The following PTPRD variants were observed in gnomAD, a reference collection of about 807,000 sequenced individuals.
PTPRD encodes the protein receptor-type tyrosine-protein phosphatase delta.
PTPRD carries 34 observed loss-of-function variants against 214.5 expected under a neutral mutation model. That is an observed-to-expected ratio of 0.16 (90% confidence interval 0.12 to 0.21). The LOEUF (loss-of-function observed/expected upper bound fraction) is 0.21, where lower values mean the gene tolerates loss of function less well. PTPRD is among the 10% of genes least tolerant of loss of function. PTPRD has a pLI of 1.00. For missense variants in PTPRD, 2,545 were observed against 2,398.7 expected, an observed-to-expected ratio of 1.06 and a Z score of -1.27; for synonymous variants, 1,128 against 845.7, an observed-to-expected ratio of 1.33 and a Z score of -5.79.
intron 2 of PTPRD, among the ~76,000 whole-genome samples, chr9:10,558,479 C>G (rs985405084): frequency 6.6e-6 from 1 of 152,058 alleles, no homozygotes; most frequent in Non-Finnish European, 1.5e-5. Flanking sequence ...GTTGTCTGAA[C>G]CTTCTCTGAC....
At chr9:9,076,144 A>C (rs574098389) in intron 10 of PTPRD, among the ~76,000 whole-genome samples, 3 of 152,092 alleles carry the variant, frequency 2.0e-5, no homozygotes, top group African/African-American at 7.2e-5. Flanking sequence ...TCTTGATTTG[A>C]ATTTCTCTGA....
chr9:9,190,988 A>T (rs1374598459), intron 9 of PTPRD, among the ~76,000 whole-genome samples: 3 of 152,092 alleles, frequency 2.0e-5, no homozygotes, highest in Non-Finnish European at 2.9e-5. Flanking sequence ...GATCTTGAAG[A>T]TTCTCATCTC....
chr9:8,488,431 T>C lies in PTPRD; in HGVS notation c.2468-2082A>G, dbSNP rs188896958. 2.4e-3 allele frequency among the ~76,000 whole-genome samples: 362 copies of C among 152,312 alleles called. 1 individual carries two copies. The highest frequency in any genetic ancestry group is 4.1e-3 in the Non-Finnish European group (277 of 68,030). On this transcript the variant is annotated intron_variant, in intron 27 of 45. Transcript: ENST00000381196. Reference sequence around the variant, plus strand: ...AACAACATGTGTGCTGTGTTATACATATAAAACATGTGTGTTGTGTTGTAT... The same window carrying C: ...AACAACATGTGTGCTGTGTTATACACATAAAACATGTGTGTTGTGTTGTAT...
chr9:8,824,639 A>C (rs1249459637), intron 11 of PTPRD, among the ~76,000 whole-genome samples: 1 of 152,158 alleles, frequency 6.6e-6, no homozygotes, highest in African/African-American at 2.4e-5. Context: ...GCTTTTTATG[A>C]ACTGGGCAAC....
At chr9:8,630,071 G>C (rs1437464097) in intron 14 of PTPRD, among the ~76,000 whole-genome samples, 1 of 151,832 alleles carries the variant, frequency 6.6e-6, no homozygotes, top group African/African-American at 2.4e-5. Context: ...CTAGTAGCTT[G>C]TGTGAGATAA....
chr9:9,257,185 A>C lies in PTPRD; in HGVS notation c.-202-73822T>G, dbSNP rs138157027. On this transcript the variant is annotated intron_variant, in intron 9 of 45. Transcript: ENST00000381196. ...GGGGTAGAAAACAAAACTCTGGAGG[A>C]GTTAAGTGACTTTGCCAAGATTTCT... Among the ~76,000 whole-genome samples, 99 of 152,074 alleles carry C rather than the reference A, an allele frequency of 6.5e-4. 1 individual carries two copies. The highest frequency in any genetic ancestry group is 2.2e-3 in the African/African-American group (93 of 41,532).
chr9:8,939,607 A>C (rs2099018907), intron 11 of PTPRD, among the ~76,000 whole-genome samples: 2 of 152,174 alleles, frequency 1.3e-5, no homozygotes, highest in Admixed American at 6.5e-5. Context: ...TTATTTCCAA[A>C]TGTGCTCTGC....
intron 2 of PTPRD, among the ~76,000 whole-genome samples, chr9:10,393,317 G>T (rs954546981): frequency 6.6e-6 from 1 of 151,722 alleles, no homozygotes; most frequent in Non-Finnish European, 1.5e-5. Context: ...GTGTGTGTGT[G>T]TATGTGGTCA....
At chr9:10,538,697 C>A (rs560561861) in intron 2 of PTPRD, among the ~76,000 whole-genome samples, 17 of 152,134 alleles carry the variant, frequency 1.1e-4, no homozygotes, top group Middle Eastern at 3.4e-3. Context: ...GTTGTTAATC[C>A]TGTTTATCTT....
At chr9:9,421,644 G>T (rs2078845154) in intron 8 of PTPRD, among the ~76,000 whole-genome samples, 1 of 152,060 alleles carries the variant, frequency 6.6e-6, no homozygotes, top group Admixed American at 6.6e-5. Context: ...ATAGAGGTTT[G>T]TCACATCATT....
At chr9:9,102,124 T>G (rs1182469409) in intron 10 of PTPRD, among the ~76,000 whole-genome samples, 1 of 152,226 alleles carries the variant, frequency 6.6e-6, no homozygotes, top group Non-Finnish European at 1.5e-5. Flanking sequence ...GTCTTTTATG[T>G]AATTATTGAA....
intron 7 of PTPRD, among the ~76,000 whole-genome samples, chr9:9,671,319 G>C (rs1039112080): frequency 2.6e-5 from 4 of 152,120 alleles, no homozygotes; most frequent in Non-Finnish European, 5.9e-5. Context: ...CCCAATACCT[G>C]TATTCCCATT....
chr9:8,882,726 A>C (rs1361800182), intron 11 of PTPRD, among the ~76,000 whole-genome samples: 3 of 151,924 alleles, frequency 2.0e-5, no homozygotes, highest in Non-Finnish European at 4.4e-5. Flanking sequence ...CTCTACTAAA[A>C]ATATAAAAAT....
chr9:9,674,266 T>A (rs1297669615), intron 7 of PTPRD, among the ~76,000 whole-genome samples: 1 of 151,792 alleles, frequency 6.6e-6, no homozygotes, highest in Non-Finnish European at 1.5e-5. Context: ...GGATGGCTTA[T>A]AATATTAACT....
At chr9:9,704,800 A>G (rs1453394498) in intron 7 of PTPRD, among the ~76,000 whole-genome samples, 4 of 152,326 alleles carry the variant, frequency 2.6e-5, no homozygotes, top group African/African-American at 9.6e-5. Context: ...CACCAAAGTG[A>G]CAGACATAAG....
intron 3 of PTPRD, among the ~76,000 whole-genome samples, chr9:10,133,572 T>G (rs888835902): frequency 4.6e-5 from 7 of 152,160 alleles, no homozygotes; most frequent in African/African-American, 1.7e-4. Flanking sequence ...GAATGTAAAC[T>G]AATATATAAT....
intron 9 of PTPRD, among the ~76,000 whole-genome samples, chr9:9,389,271 G>A (rs1393648332): frequency 6.6e-6 from 1 of 152,178 alleles, no homozygotes; most frequent in Non-Finnish European, 1.5e-5. Flanking sequence ...ACCACCTTGG[G>A]AGGCCGAGGC....
At chr9:8,832,094 G>GTATGTGTA (rs1228632533) in intron 11 of PTPRD, among the ~76,000 whole-genome samples, 41 of 128,584 alleles carry the variant, frequency 3.2e-4, no homozygotes, top group Non-Finnish European at 9.7e-5. Flanking sequence ...ATTTAAATAT[G>GTATGTGTA]TATGTGTATA....
intron 12 of PTPRD, among the ~76,000 whole-genome samples, chr9:8,730,280 A>C (rs1288324169): frequency 2.6e-5 from 4 of 152,288 alleles, no homozygotes; most frequent in African/African-American, 4.8e-5. Context: ...AAAGAAAGAA[A>C]TATTGCGAGT....
Sources: gnomAD v4.1 joint callset for allele counts (sites outside exome capture counted in the v4.1 genomes callset) on GRCh38, gnomAD v4.1.1 for gene constraint, MANE v1.5 for transcripts, NCBI Gene and HGNC (gene_info 2026-07-23, HGNC 2026-07-21) for gene names.